The following GYG1 variants were observed in gnomAD, a reference collection of about 807,000 sequenced individuals.
The protein encoded by GYG1 is glycogenin-1.
Under a neutral mutation model 41.9 loss-of-function variants are expected in GYG1, and 44 were observed. The ratio of observed to expected loss-of-function variants is 1.05; its 90% CI spans 0.83 to 1.35. GYG1 has a LOEUF of 1.35. Among genes scored for constraint, GYG1 ranks in the 40% most tolerant of loss-of-function variants. The pLI, the probability that GYG1 is intolerant of heterozygous loss-of-function variation, is 0.00. For missense variants in GYG1, 429 were observed against 418.9 expected (o/e 1.02, Z -0.21); for synonymous variants, 141 against 158.1 (o/e 0.89, Z 0.81).
rs1339478009 is a variant in GYG1 at position 149,005,319 on chromosome 3, G to A, written c.482-3957G>A. Reference sequence around the variant, plus strand: ...CATTAAAAGAATAATAGGAAAAAGAGGGGGGAAGGAACATCTATTACACCA... The same window carrying A: ...CATTAAAAGAATAATAGGAAAAAGAAGGGGGAAGGAACATCTATTACACCA... On this transcript the variant is annotated intron_variant, in intron 4 of 7. Coordinates refer to ENST00000345003, the MANE Select transcript of GYG1 (RefSeq NM_004130.4). Among the ~76,000 whole-genome samples, 4 of 152,154 alleles carry A rather than the reference G, an allele frequency of 2.6e-5. No individual in the cohort carries two copies. The East Asian group carries it at 7.7e-4, about 29-fold the overall frequency.
intron 5 of GYG1, among the ~76,000 whole-genome samples, chr3:149,022,160 A>G (rs1308441021): frequency 1.3e-5 from 2 of 152,022 alleles, no homozygotes; most frequent in African/African-American, 4.8e-5. Context: ...CACTGTTCCT[A>G]TTTTTGCTTT....
At chr3:149,021,903 G>A (rs990006517) in intron 5 of GYG1, among the ~76,000 whole-genome samples, 6 of 152,088 alleles carry the variant, frequency 3.9e-5, no homozygotes, top group African/African-American at 1.4e-4. Context: ...CAGTACCTGA[G>A]GTTCTGTCCC....
chr3:149,015,021 A>ATT (rs1713939771), intron 5 of GYG1, among the ~76,000 whole-genome samples: 2 of 152,136 alleles, frequency 1.3e-5, no homozygotes, highest in African/African-American at 4.8e-5. Flanking sequence ...TTCACATAAA[A>ATT]CCCAGGTTTC....
At chr3:149,022,554 G>T (rs1714431516) in intron 5 of GYG1, among the ~76,000 whole-genome samples, 1 of 130,726 alleles carries the variant, frequency 7.6e-6, no homozygotes, top group East Asian at 2.3e-4. Context: ...GGAGTGCAGT[G>T]GCGCAATCTC....
Position 149,015,073 on chromosome 3 carries a change from A to G in GYG1, c.608+5671A>G, listed in dbSNP as rs529249480. On this transcript the variant is annotated intron_variant, in intron 5 of 7. Coordinates refer to ENST00000345003, the MANE Select transcript of GYG1 (RefSeq NM_004130.4). ...ATCAGGTATTTGGTAGGATATGTCA[A>G]ATGTGACTGTTACAGGTTTGTGGTC... Among the ~76,000 whole-genome samples, 3 of 152,326 alleles carry G rather than the reference A, an allele frequency of 2.0e-5. No homozygotes were observed. In the South Asian group the frequency reaches 6.2e-4, roughly 32 times the overall value.
chr3:149,000,031 T>C (rs1713006150), intron 4 of GYG1, among the ~76,000 whole-genome samples: 1 of 152,220 alleles, frequency 6.6e-6, no homozygotes, highest in Non-Finnish European at 1.5e-5. Context: ...TGGCTGAGCA[T>C]TTGCAGCTGC....
chr3:148,997,775 T>C (rs2107889035), intron 4 of GYG1, among the ~76,000 whole-genome samples: 1 of 152,348 alleles, frequency 6.6e-6, no homozygotes, highest in Admixed American at 6.5e-5. Flanking sequence ...CAGCAGTGCC[T>C]CACTATCAGA....
At chr3:149,022,642 C>T (rs563431753) in intron 5 of GYG1, among the ~76,000 whole-genome samples, 16 of 151,364 alleles carry the variant, frequency 1.1e-4, no homozygotes, top group African/African-American at 3.4e-4. Context: ...ATTACAGGCA[C>T]GTGCCACCAT....
intron 5 of GYG1, among the ~76,000 whole-genome samples, chr3:149,017,864 C>T (rs141376138): frequency 0.013 from 2,004 of 151,580 alleles, 41 homozygotes; most frequent in African/African-American, 0.046. Context: ...TCTCCCGCCT[C>T]GGCCTCCCAA....
intron 5 of GYG1, among the ~76,000 whole-genome samples, chr3:149,017,381 TTGTGACA>T (rs1714106195): frequency 2.0e-5 from 3 of 151,580 alleles, no homozygotes; most frequent in Non-Finnish European, 2.9e-5. Flanking sequence ...GTAGAGACAA[TTGTGACA>T]TGTACTCAAC....
Position 149,028,827 on chromosome 3 carries a change from T to C in GYG1, c.*1894T>C, listed in dbSNP as rs1714793707. Among the ~76,000 whole-genome samples the C allele has an allele frequency of 6.6e-6, 1 of 151,668 alleles. No individual in the cohort carries two copies. The highest frequency in any genetic ancestry group is 2.1e-4 in the South Asian group (1 of 4,818). ...CCTCTGCCTCCTGGATTCAAGAGAT[T>C]CTCCTACCTCAGCCTCCTGAGTAGC... is the stretch of plus-strand genomic sequence containing the variant. On this transcript the variant is annotated 3_prime_UTR_variant, in exon 8 of 8. Coordinates refer to ENST00000345003, the MANE Select transcript of GYG1 (RefSeq NM_004130.4).
chr3:148,996,550 A>G (rs1000580928), intron 3 of GYG1, 74 bp downstream of exon 3: 1 of 1,362,168 alleles, frequency 7.3e-7, no homozygotes, highest in African/African-American at 1.4e-5. Context: ...GCATTTGAGG[A>G]ATGCTGTCAA....
chr3:148,998,142 G>A (rs540639535), intron 4 of GYG1, among the ~76,000 whole-genome samples: 1 of 152,238 alleles, frequency 6.6e-6, no homozygotes, highest in East Asian at 1.9e-4. Flanking sequence ...CTGAGATTGG[G>A]TTTTCATTGT....
intron 5 of GYG1, among the ~76,000 whole-genome samples, chr3:149,020,772 C>T (rs369781488): frequency 2.0e-4 from 31 of 152,142 alleles, no homozygotes; most frequent in East Asian, 1.2e-3. Flanking sequence ...AAATCATGGG[C>T]GGAAGCTTAG....
chr3:149,006,880 T>C (rs1713433608), intron 4 of GYG1, among the ~76,000 whole-genome samples: 1 of 152,264 alleles, frequency 6.6e-6, no homozygotes, highest in South Asian at 2.1e-4. Context: ...GTTTTGGCTT[T>C]GATAGTTTGT....
At chr3:149,021,590 T>C (rs1243734734) in intron 5 of GYG1, among the ~76,000 whole-genome samples, 1 of 152,192 alleles carries the variant, frequency 6.6e-6, no homozygotes, top group African/African-American at 2.4e-5. Flanking sequence ...AAACCCCATC[T>C]CTGCCACTTA....
chr3:149,005,464 A>T (rs559069846), intron 4 of GYG1, among the ~76,000 whole-genome samples: 1 of 152,308 alleles, frequency 6.6e-6, no homozygotes, highest in Admixed American at 6.5e-5. Flanking sequence ...CAGTGTACTG[A>T]AGTTGTCTTT....
chr3:148,999,914 T>G (rs1292643169), intron 4 of GYG1, among the ~76,000 whole-genome samples: 1 of 152,158 alleles, frequency 6.6e-6, no homozygotes, highest in East Asian at 1.9e-4. Flanking sequence ...TACAGATGAC[T>G]GTATCTCAGT....
At chr3:149,013,194 A>G (rs1317122646) in intron 5 of GYG1, among the ~76,000 whole-genome samples, 1 of 152,164 alleles carries the variant, frequency 6.6e-6, no homozygotes, top group Non-Finnish European at 1.5e-5. Flanking sequence ...AGTGCTTAGC[A>G]TAATGTTTGG....
Sources: allele counts gnomAD v4.1 joint callset (sites outside exome capture counted in the v4.1 genomes callset), GRCh38; gene constraint gnomAD v4.1.1; transcripts MANE v1.5; gene names NCBI Gene and HGNC (gene_info 2026-07-23, HGNC 2026-07-21).